Variants in CYBRD1 observed in about 807,000 individuals in gnomAD.
CYBRD1 encodes cytochrome b reductase 1.
In CYBRD1, 14 loss-of-function variants were observed where a neutral mutation model predicts 21.9. That is an observed-to-expected ratio of 0.64 (90% CI 0.42 to 1.00). The LOEUF is 1.00. Ranked by LOEUF, CYBRD1 falls within the 50% of genes least tolerant of loss-of-function variation. The pLI, the probability that CYBRD1 is intolerant of heterozygous loss-of-function variation, is 0.00. For missense variants in CYBRD1, 328 were observed against 352.5 expected, an observed-to-expected ratio of 0.93 and a Z score of 0.56; for synonymous variants, 146 against 136.5, an observed-to-expected ratio of 1.07 and a Z score of -0.48.
intron 2 of CYBRD1, among the ~76,000 whole-genome samples, chr2:171,544,789 GAAGT>G (rs950250799): frequency 6.6e-6 from 1 of 152,126 alleles, no homozygotes; most frequent in Admixed American, 6.5e-5. Context: ...TAGAAGTACT[GAAGT>G]ATGTAGAAGT....
At chr2:171,532,563 G>T (rs1397705968) in intron 1 of CYBRD1, among the ~76,000 whole-genome samples, 1 of 152,140 alleles carries the variant, frequency 6.6e-6, no homozygotes, top group African/African-American at 2.4e-5. Flanking sequence ...ACTTTGGGAG[G>T]CTGAGGCAGG....
chr2:171,534,175 G>A (rs1450168034), intron 1 of CYBRD1, among the ~76,000 whole-genome samples: 2 of 152,152 alleles, frequency 1.3e-5, no homozygotes, highest in Non-Finnish European at 2.9e-5. Context: ...AGGATTTAAA[G>A]TGTATTTCTC....
intron 1 of CYBRD1, among the ~76,000 whole-genome samples, chr2:171,531,566 C>T (rs1697468261): frequency 6.6e-6 from 1 of 152,150 alleles, no homozygotes; most frequent in Non-Finnish European, 1.5e-5. Flanking sequence ...TTCCACCCCT[C>T]TCAAAGTGCT....
intron 1 of CYBRD1, among the ~76,000 whole-genome samples, chr2:171,534,908 G>A (rs569559636): frequency 2.6e-5 from 4 of 152,174 alleles, no homozygotes; most frequent in Admixed American, 6.5e-5. Flanking sequence ...GGGTGTAGTG[G>A]CACACACCTG....
chr2:171,540,200 A>C (rs1265719323), intron 1 of CYBRD1, among the ~76,000 whole-genome samples: 1 of 152,170 alleles, frequency 6.6e-6, no homozygotes, highest in Non-Finnish European at 1.5e-5. Context: ...GGCAACTACT[A>C]TCCTGACTTT....
chr2:171,522,414 A>G, upstream of CYBRD1: 3 of 1,506,722 alleles, frequency 2.0e-6, no homozygotes, highest in Non-Finnish European at 2.7e-6. The surrounding 1 kb of genome is among the most constrained non-coding windows in gnomAD (Gnocchi z 4.3). Context: ...GCAGCCCAGA[A>G]AGTCCCTCCC....
chr2:171,533,035 C>T (rs1697492999), intron 1 of CYBRD1, among the ~76,000 whole-genome samples: 1 of 151,830 alleles, frequency 6.6e-6, no homozygotes, highest in Non-Finnish European at 1.5e-5. Context: ...ACTGAATGAA[C>T]TACTGTGCTT....
chr2:171,523,318 G>C (rs1224972934), intron 1 of CYBRD1: 1 of 392,590 alleles, frequency 2.5e-6, no homozygotes. Flanking sequence ...CCTGGGTAAA[G>C]GGGCTGGCCA....
intron 1 of CYBRD1, among the ~76,000 whole-genome samples, chr2:171,536,968 AC>A (rs769399442): frequency 4.6e-5 from 7 of 152,224 alleles, no homozygotes; most frequent in Non-Finnish European, 8.8e-5. Flanking sequence ...TAACAAAAAA[AC>A]AACAATATTA....
chr2:171,525,619 C>A (rs1394522695), intron 1 of CYBRD1, among the ~76,000 whole-genome samples: 5 of 152,138 alleles, frequency 3.3e-5, no homozygotes, highest in African/African-American at 1.2e-4. Flanking sequence ...GATTTCAAAT[C>A]TCTAACAAAG....
At chr2:171,526,588 A>G (rs1200888088) in intron 1 of CYBRD1, among the ~76,000 whole-genome samples, 2 of 152,218 alleles carry the variant, frequency 1.3e-5, no homozygotes, top group Non-Finnish European at 1.5e-5. Flanking sequence ...TCTAACATGA[A>G]TGAGGAAGGG....
chr2:171,538,522 G>T (rs552772981), intron 1 of CYBRD1, among the ~76,000 whole-genome samples: 25 of 152,300 alleles, frequency 1.6e-4, no homozygotes, highest in African/African-American at 5.3e-4. Context: ...TCTCAAGGAA[G>T]TATAACCAAT....
Position 171,555,085 on chromosome 2 carries a change from G to A in CYBRD1, c.*258G>A, listed in dbSNP as rs1683458835. The A allele has an allele frequency of 2.0e-6, 1 of 505,616 alleles. No individual in the cohort carries two copies. The highest frequency in any genetic ancestry group is 1.9e-5 in the African/African-American group (1 of 51,832). The allele number at this position is 505,616 out of a possible 1,614,324, so 31.3% of individuals were successfully genotyped here. On this transcript the variant is annotated 3_prime_UTR_variant, in exon 4 of 4. Coordinates refer to ENST00000321348, the MANE Select transcript of CYBRD1 (RefSeq NM_024843.4). ...TATCTTGTTGAGGACCACAACATTA[G>A]CACGGTGCCTTGTGCAGAATAGATA...
intron 1 of CYBRD1, among the ~76,000 whole-genome samples, chr2:171,523,545 T>C (rs1039600979): frequency 5.9e-5 from 9 of 152,146 alleles, no homozygotes; most frequent in Admixed American, 2.0e-4. Context: ...GGGTGGGAGA[T>C]GCCCGGAGAG....
rs778216474 is a variant in CYBRD1 at position 171,541,816 on chromosome 2, A to G, written c.402+23A>G. On this transcript the variant is annotated intron_variant, in intron 2 of 3. Coordinates refer to ENST00000321348, the MANE Select transcript of CYBRD1 (RefSeq NM_024843.4). ...CAGGTCAGTATTTCAGTGTATTTAC[A>G]AGCAAGTTATAAAAACAATTCAGAG... 3 of 1,575,904 alleles carry G rather than the reference A, an allele frequency of 1.9e-6. No individual in the cohort carries two copies. In the South Asian group the frequency reaches 3.3e-5, roughly 17 times the overall value.
intron 1 of CYBRD1, among the ~76,000 whole-genome samples, chr2:171,529,789 C>G (rs1383869601): frequency 6.6e-6 from 1 of 152,124 alleles, no homozygotes; most frequent in East Asian, 1.9e-4. Flanking sequence ...CCCATAGGAA[C>G]CACTGTCTTT....
intron 2 of CYBRD1, among the ~76,000 whole-genome samples, chr2:171,551,338 A>G (rs1444370653): frequency 1.3e-5 from 2 of 152,214 alleles, no homozygotes; most frequent in Non-Finnish European, 2.9e-5. Flanking sequence ...AAGAAGATTT[A>G]GGAATATTCT....
intron 1 of CYBRD1, among the ~76,000 whole-genome samples, chr2:171,532,330 A>G (rs1013351998): frequency 6.6e-6 from 1 of 152,230 alleles, no homozygotes; most frequent in Non-Finnish European, 1.5e-5. Context: ...TAAGTGTTTT[A>G]AAATTCCAGT....
At chr2:171,543,032 A>T (rs1044535207) in intron 2 of CYBRD1, among the ~76,000 whole-genome samples, 5 of 152,228 alleles carry the variant, frequency 3.3e-5, no homozygotes, top group Non-Finnish European at 7.3e-5. Flanking sequence ...AGCAAAATAT[A>T]CCAGGAAAAG....
Sources: allele counts gnomAD v4.1 joint callset (sites outside exome capture counted in the v4.1 genomes callset), GRCh38; gene constraint gnomAD v4.1.1; non-coding constraint Gnocchi (gnomAD v3.1); transcripts MANE v1.5; gene names NCBI Gene and HGNC (gene_info 2026-07-23, HGNC 2026-07-21).